The following MOCOS variants were observed in gnomAD, a reference collection of about 807,000 sequenced individuals.
The protein encoded by MOCOS is molybdenum cofactor sulfurase.
A neutral mutation model predicts 83.6 loss-of-function variants in MOCOS; 86 were observed. The observed-to-expected ratio is 1.03, with a 90% CI of 0.86 to 1.23. The LOEUF (loss-of-function observed/expected upper bound fraction) is 1.23, where lower values mean the gene tolerates loss of function less well. Among genes scored for constraint, MOCOS ranks in the 50% most tolerant of loss-of-function variants. The pLI is 0.00. For synonymous variants in MOCOS, 445 were observed against 434.7 expected (o/e 1.02, Z -0.29); for missense variants, 1,120 against 1,126.9 (o/e 0.99, Z 0.09).
rs532646363 is a variant in MOCOS at position 36,268,619 on chromosome 18, G to A, written c.2601G>A (p.Val867=). The A allele has an allele frequency of 9.3e-6, 15 of 1,614,116 alleles. No homozygotes were observed. The highest frequency in any genetic ancestry group is 6.7e-5 in the African/African-American group (5 of 75,022). Residue 867 remains valine (V), a synonymous_variant, in exon 15 of 15, where the codon GTG becomes GTA. Coordinates refer to ENST00000261326, the MANE Select transcript of MOCOS (RefSeq NM_017947.4). ...CTGTAGGATCTCAGGTGCTCCCTGT[G>A]TTGAAAGAGAATGTGGAAGGTCATG... ...FLSVGSQVLP[V]LKENVEGHDL...
chr18:36,209,109 C>T (rs1366612747), intron 6 of MOCOS, among the ~76,000 whole-genome samples: 5 of 150,918 alleles, frequency 3.3e-5, no homozygotes, highest in South Asian at 2.1e-4. Flanking sequence ...GATTTGTGTA[C>T]GTTGAACCAG....
At chr18:36,253,046 G>T (rs2091627761) in intron 11 of MOCOS, among the ~76,000 whole-genome samples, 1 of 152,120 alleles carries the variant, frequency 6.6e-6, no homozygotes, top group South Asian at 2.1e-4. Flanking sequence ...AGGGGTAGAG[G>T]CATGAAAGGA....
intron 10 of MOCOS, among the ~76,000 whole-genome samples, chr18:36,249,575 G>A (rs1175519229): frequency 2.6e-5 from 4 of 152,038 alleles, no homozygotes; most frequent in Non-Finnish European, 4.4e-5. Flanking sequence ...GCCTCATAGG[G>A]AGGGAAAAGA....
At chr18:36,208,011 T>A (rs75745355) in intron 6 of MOCOS, among the ~76,000 whole-genome samples, 8,579 of 152,274 alleles carry the variant, frequency 0.056, 280 homozygotes, top group East Asian at 0.099. Flanking sequence ...CTTCTGCATA[T>A]CTATAGCCAG....
At chr18:36,246,061 T>G (rs978412548) in intron 9 of MOCOS, among the ~76,000 whole-genome samples, 4 of 152,224 alleles carry the variant, frequency 2.6e-5, no homozygotes, top group Admixed American at 2.6e-4. Context: ...TAAATTAGTT[T>G]TCACTTTTCT....
At chr18:36,213,789 C>T (rs543581756) in intron 7 of MOCOS, among the ~76,000 whole-genome samples, 2 of 151,722 alleles carry the variant, frequency 1.3e-5, no homozygotes, top group Non-Finnish European at 2.9e-5. Context: ...ATTAGCCAGG[C>T]ATGATGGCAT....
In MOCOS at chr18:36,271,117, G is replaced by GTGC; in HGVS notation, c.*2433_*2435dup. 1 of 152,160 alleles carries GTGC rather than the reference G, an allele frequency of 6.6e-6. No homozygotes were observed. The highest frequency in any genetic ancestry group is 1.9e-4 in the East Asian group (1 of 5,174). 9.4% of individuals were successfully genotyped at this position (152,160 alleles called of 1,614,324 possible). ...TCTGGGATTACAAGTGTGAGCCACT[G>GTGC]TGCCCAGCTTTTGATTTCAGACATT... On this transcript the variant is annotated 3_prime_UTR_variant, in exon 15 of 15. Coordinates refer to ENST00000261326, the MANE Select transcript of MOCOS (RefSeq NM_017947.4).
At chr18:36,206,136 C>T (rs1327493041) in intron 6 of MOCOS, among the ~76,000 whole-genome samples, 4 of 152,022 alleles carry the variant, frequency 2.6e-5, no homozygotes, top group Admixed American at 2.6e-4. Flanking sequence ...GTTGCTTCCA[C>T]CTGTGGAGGA....
At chr18:36,267,947 C>T in intron 14 of MOCOS, among the ~76,000 whole-genome samples, 1 of 152,180 alleles carries the variant, frequency 6.6e-6, no homozygotes, top group Non-Finnish European at 1.5e-5. Context: ...GGGCCTGGAA[C>T]ATGAGGGTGT....
In MOCOS at chr18:36,260,074, G is replaced by A; in HGVS notation, c.2308G>A (p.Asp770Asn). Residue 770 changes from aspartate to asparagine, a missense_variant, in exon 13 of 15, where the codon GAT becomes AAT. Asp to Asn is a conservative substitution (Grantham distance 23). Coordinates refer to ENST00000261326, the MANE Select transcript of MOCOS (RefSeq NM_017947.4). ...AAAGGAGGAATTATTCTCACTGAAG[G>A]ATCTCAGCTTGCGTTTTCGTGCCAA... ...NGKEELFSLK[D>N]LSLRFRANII... 6.2e-7 allele frequency: 1 copy of A among 1,614,206 alleles called. No individual in the cohort carries two copies. The highest frequency in any genetic ancestry group is 8.5e-7 in the Non-Finnish European group (1 of 1,180,022).
intron 9 of MOCOS, among the ~76,000 whole-genome samples, chr18:36,228,328 G>C (rs1274493163): frequency 6.7e-6 from 1 of 149,794 alleles, no homozygotes; most frequent in Non-Finnish European, 1.5e-5. Context: ...CCCATTACTG[G>C]GTATATACCC....
In MOCOS at chr18:36,198,682, C is replaced by A. The variant is rs1387666711; in HGVS notation, c.233-8C>A. 10 of 1,614,020 alleles carry A rather than the reference C, an allele frequency of 6.2e-6. No individual in the cohort carries two copies. The highest frequency in any genetic ancestry group is 1.6e-4 in the Middle Eastern group (1 of 6,084). ...TGACTTGGTGGCCTTGTCTTTGTAA[C>A]CTGCCAGGTAATCCTCACAGCCAGA... On this transcript the variant is annotated splice_polypyrimidine_tract_variant and splice_region_variant and intron_variant, in intron 2 of 14. Coordinates refer to ENST00000261326, the MANE Select transcript of MOCOS (RefSeq NM_017947.4).
At chr18:36,239,808 A>G (rs1011694297) in intron 9 of MOCOS, among the ~76,000 whole-genome samples, 12 of 150,946 alleles carry the variant, frequency 7.9e-5, no homozygotes, top group Admixed American at 6.6e-4. Flanking sequence ...ACATAGTCCC[A>G]TATTTCTTGG....
chr18:36,195,020 C>T (rs913179119), intron 1 of MOCOS, among the ~76,000 whole-genome samples: 1 of 152,182 alleles, frequency 6.6e-6, no homozygotes, highest in African/African-American at 2.4e-5. Context: ...TCCAGGTTCA[C>T]AAAAGAGTGA....
Position 36,248,942 on chromosome 18 carries a change from C to T in MOCOS, c.1981C>T (p.Pro661Ser), listed in dbSNP as rs1410431311. 1.9e-6 allele frequency: 3 copies of T among 1,614,022 alleles called. No homozygotes were observed. The highest frequency in any genetic ancestry group is 1.1e-5 in the South Asian group (1 of 91,070). ...ATTAGGGATGGAGCCTATAGAGGTG[C>T]CTCTTGAGGAAAATAGTGAACGGAC... ...KAKGMEPIEV[P>S]LEENSERTQI... The change falls in exon 10 of 15, where the codon CCT (proline) becomes TCT (serine). Residue 661 changes from proline (P) to serine (S), a missense_variant. Pro to Ser is a moderately conservative substitution (Grantham distance 74, BLOSUM62 -1). Coordinates refer to ENST00000261326, the MANE Select transcript of MOCOS (RefSeq NM_017947.4).
intron 2 of MOCOS, among the ~76,000 whole-genome samples, chr18:36,197,921 C>A (rs2091396047): frequency 6.6e-6 from 1 of 152,196 alleles, no homozygotes; most frequent in South Asian, 2.1e-4. Flanking sequence ...GCTGACCTTA[C>A]CCCCAGGCAA....
intron 4 of MOCOS, 59 bp from the exon 5 acceptor site, chr18:36,203,054 A>T: frequency 2.0e-6 from 3 of 1,516,974 alleles, no homozygotes; most frequent in African/African-American, 2.7e-5. Context: ...TATACCACGA[A>T]ATGCACATGG....
At chr18:36,190,898 G>T (rs956183238) in intron 1 of MOCOS, among the ~76,000 whole-genome samples, 26 of 151,794 alleles carry the variant, frequency 1.7e-4, no homozygotes, top group Non-Finnish European at 4.4e-5. Flanking sequence ...TTAGCCCGGT[G>T]TGGTGGCACA....
chr18:36,202,255 C>G (rs1404085352), intron 4 of MOCOS, among the ~76,000 whole-genome samples: 3 of 151,866 alleles, frequency 2.0e-5, no homozygotes, highest in African/African-American at 7.3e-5. Context: ...AAACAAAAAA[C>G]TTTTATTTTA....
Sources: allele counts gnomAD v4.1 joint callset (sites outside exome capture counted in the v4.1 genomes callset), GRCh38; gene constraint gnomAD v4.1.1; transcripts MANE v1.5; gene names NCBI Gene and HGNC (gene_info 2026-07-23, HGNC 2026-07-21).